Variants in ACOXL observed in about 807,000 individuals in gnomAD.
ACOXL encodes the protein acyl-coenzyme A oxidase-like protein.
ACOXL carries 70 observed loss-of-function variants against 71.9 expected under a neutral mutation model. That is an observed-to-expected ratio of 0.97 (90% confidence interval 0.80 to 1.19). The LOEUF (loss-of-function observed/expected upper bound fraction) is 1.19. Ranked by LOEUF, ACOXL falls within the 50% of genes most tolerant of loss-of-function variation. The pLI is 0.00. For synonymous variants in ACOXL, 253 were observed against 281.6 expected (o/e 0.90, Z 1.02); for missense variants, 703 against 736.3 (o/e 0.95, Z 0.52).
At chr2:110,993,963 T>C (rs1258306274) in intron 13 of ACOXL, among the ~76,000 whole-genome samples, 1 of 151,510 alleles carries the variant, frequency 6.6e-6, no homozygotes, top group Non-Finnish European at 1.5e-5. Context: ...TACAAGGAGG[T>C]TGCCTTTAGC....
At chr2:110,822,348 C>T (rs2105528176) in intron 9 of ACOXL, among the ~76,000 whole-genome samples, 2 of 152,242 alleles carry the variant, frequency 1.3e-5, no homozygotes, top group Non-Finnish European at 2.9e-5. Flanking sequence ...TGTCTGTAGC[C>T]TACTCCAACA....
At chr2:110,880,121 G>A (rs1696437661) in intron 10 of ACOXL, among the ~76,000 whole-genome samples, 1 of 141,424 alleles carries the variant, frequency 7.1e-6, no homozygotes, top group African/African-American at 2.7e-5. Flanking sequence ...CTGCATTCCA[G>A]CCTGGGCGAC....
chr2:111,053,249 G>A (rs1320349788), intron 16 of ACOXL, among the ~76,000 whole-genome samples: 2 of 152,136 alleles, frequency 1.3e-5, no homozygotes, highest in African/African-American at 4.8e-5. Context: ...TCTCCTCCAG[G>A]CGCTGCCAAG....
chr2:110,846,586 C>T (rs1042810337), intron 10 of ACOXL, among the ~76,000 whole-genome samples: 6 of 150,810 alleles, frequency 4.0e-5, no homozygotes, highest in Admixed American at 4.0e-4. Flanking sequence ...TTCAAATGAA[C>T]AGCGTTCAGG....
At chr2:110,923,550 A>C (rs531474653) in intron 11 of ACOXL, among the ~76,000 whole-genome samples, 1 of 152,322 alleles carries the variant, frequency 6.6e-6, no homozygotes, top group South Asian at 2.1e-4. Flanking sequence ...GACAGTTTCC[A>C]GACTATCCTG....
intron 9 of ACOXL, among the ~76,000 whole-genome samples, chr2:110,820,399 G>A (rs1559305694): frequency 6.6e-6 from 1 of 152,164 alleles, no homozygotes; most frequent in Non-Finnish European, 1.5e-5. Context: ...ACCAAAGCAA[G>A]TATTTTTTCC....
intron 1 of ACOXL, among the ~76,000 whole-genome samples, chr2:110,755,603 A>C (rs1478051830): frequency 6.6e-6 from 1 of 152,218 alleles, no homozygotes; most frequent in East Asian, 1.9e-4. Flanking sequence ...TATTATGATA[A>C]ACCGGTGTTC....
chr2:111,116,566 C>T (rs1475334687), intron 17 of ACOXL, among the ~76,000 whole-genome samples: 2 of 152,092 alleles, frequency 1.3e-5, no homozygotes, highest in African/African-American at 4.8e-5. Flanking sequence ...AACATCAGTG[C>T]GGCTCAGACA....
intron 14 of ACOXL, among the ~76,000 whole-genome samples, chr2:111,003,434 C>T (rs1182896486): frequency 6.7e-6 from 1 of 149,828 alleles, no homozygotes; most frequent in Non-Finnish European, 1.5e-5. Context: ...ACCTGTAATC[C>T]CAGCTACTCG....
intron 10 of ACOXL, among the ~76,000 whole-genome samples, chr2:110,880,678 T>C (rs780390178): frequency 6.6e-6 from 1 of 152,228 alleles, no homozygotes; most frequent in Non-Finnish European, 1.5e-5. Flanking sequence ...CCGAGCACAG[T>C]GGCTCATGTC....
chr2:111,050,621 GTTC>G (rs776942441), intron 16 of ACOXL, among the ~76,000 whole-genome samples: 5 of 152,076 alleles, frequency 3.3e-5, no homozygotes, highest in South Asian at 2.1e-4. Flanking sequence ...CTTCTCTCTT[GTTC>G]TTCTCCTACT....
rs2062961430 is a variant in ACOXL, at chr2:110,986,984, T to C, written c.1060-124T>C. The C allele has an allele frequency of 5.3e-6, 4 of 754,476 alleles. No homozygotes were observed. The South Asian group carries it at 7.1e-5, about 13-fold the overall frequency. The allele number at this position is 754,476 out of a possible 1,614,324, so 46.7% of individuals were successfully genotyped here. A position where few individuals can be genotyped will look rare whatever the true frequency, so the allele number is the denominator to read the frequency against. On this transcript the variant is annotated intron_variant, in intron 12 of 17. Coordinates refer to ENST00000439055, the MANE Select transcript of ACOXL (RefSeq NM_001142807.4). ...AATAGAGACCCTTGTAAGAATGAGG[T>C]CTTGTATTTGATTCCTTCCAAGGAG...
At chr2:111,033,634 A>G (rs2149758440) in intron 15 of ACOXL, among the ~76,000 whole-genome samples, 1 of 152,308 alleles carries the variant, frequency 6.6e-6, no homozygotes, top group Non-Finnish European at 1.5e-5. Flanking sequence ...AAATTTATGT[A>G]AACCACCCTT....
intron 14 of ACOXL, among the ~76,000 whole-genome samples, chr2:111,000,765 G>A (rs561884626): frequency 1.7e-4 from 26 of 152,168 alleles, no homozygotes; most frequent in South Asian, 1.5e-3. Context: ...TGTCTCTTCC[G>A]CTTATCAGGG....
chr2:111,030,753 T>G (rs2065228843), intron 14 of ACOXL, among the ~76,000 whole-genome samples: 1 of 151,840 alleles, frequency 6.6e-6, no homozygotes, highest in Admixed American at 6.6e-5. Context: ...TGCTAAAAGT[T>G]TAAGTATTAA....
At chr2:111,016,477 C>A (rs1332505045) in intron 14 of ACOXL, 2 of 152,194 alleles carry the variant, frequency 1.3e-5, no homozygotes, top group Non-Finnish European at 2.9e-5. Flanking sequence ...TTAAACAGGT[C>A]CTCACAGCAG....
intron 12 of ACOXL, among the ~76,000 whole-genome samples, chr2:110,969,830 A>AG (rs1472034655): frequency 6.6e-6 from 1 of 152,066 alleles, no homozygotes; most frequent in Non-Finnish European, 1.5e-5. Flanking sequence ...GAAAAAAAAA[A>AG]GAATGCTAGA....
chr2:111,052,217 TA>T (rs1327938730), intron 16 of ACOXL, among the ~76,000 whole-genome samples: 1 of 152,132 alleles, frequency 6.6e-6, no homozygotes, highest in Non-Finnish European at 1.5e-5. Flanking sequence ...GCAATAGAAC[TA>T]GGACCAGAAA....
intron 8 of ACOXL, among the ~76,000 whole-genome samples, 157 bp from the exon 9 acceptor site, chr2:110,805,106 C>G (rs772565940): frequency 1.1e-4 from 17 of 152,224 alleles, no homozygotes; most frequent in Non-Finnish European, 2.2e-4. Context: ...TGGAGAGGGA[C>G]TCCCCCTGCC....
Sources: gnomAD v4.1 joint callset for allele counts (sites outside exome capture counted in the v4.1 genomes callset) on GRCh38, gnomAD v4.1.1 for gene constraint, MANE v1.5 for transcripts, NCBI Gene and HGNC (gene_info 2026-07-23, HGNC 2026-07-21) for gene names.